Variants in KRT82 observed in about 807,000 individuals in gnomAD.
KRT82 encodes the protein keratin 82.
In KRT82, 44 loss-of-function variants were observed where a neutral mutation model predicts 48.0. The ratio of observed to expected loss-of-function variants is 0.92; its 90% CI spans 0.72 to 1.18. The LOEUF (loss-of-function observed/expected upper bound fraction) is 1.18, where lower values mean the gene tolerates loss of function less well. KRT82 is among the 50% of genes most tolerant of loss of function. The pLI is 0.00. For synonymous variants in KRT82, 297 were observed against 278.3 expected (o/e 1.07, Z -0.67); for missense variants, 701 against 671.4 (o/e 1.04, Z -0.49).
Position 52,395,105 on chromosome 12 carries a change from C to G in KRT82, c.1412G>C (p.Gly471Ala). 1.9e-6 allele frequency: 3 copies of G among 1,614,062 alleles called. No homozygotes were observed. Among genetic ancestry groups the G allele is most frequent in the Non-Finnish European group, 2.5e-6 (3 of 1,179,976 alleles). ...TTCACCAGTGCCCACGATGCTGCAG[C>G]CCCCATTGCTCCTGAGGACGCCAGT... Reference protein sequence around the residue: ...LSTGVLRSNGGCSIVGTGELY... With the variant: ...LSTGVLRSNGACSIVGTGELY... Residue 471 changes from glycine (G) to alanine (A), a missense_variant, in exon 9 of 9, where the codon GGC becomes GCC. Physicochemically the swap from Gly to Ala is moderately conservative, Grantham distance 60. Transcript: ENST00000257974.
intron 2 of KRT82, among the ~76,000 whole-genome samples, chr12:52,402,691 T>G (rs1349784338): frequency 6.6e-6 from 1 of 150,540 alleles, no homozygotes; most frequent in East Asian, 2.0e-4. Flanking sequence ...CACACTGGAC[T>G]GGGAAAGAGT....
At position 52,403,702 on chromosome 12, in the gene KRT82, T is replaced by G. The variant is rs780277267; in HGVS notation, c.619A>C (p.Lys207Gln). Reference protein sequence around the residue: ...LQAALEGYKKKYEEELSLRPC... With the variant: ...LQAALEGYKKQYEEELSLRPC... ...GGGGTAAAAGCAGCACTGACTCACT[T>G]TTTCTTGTAGCCCTCCAGTGCAGCC... Residue 207 changes from lysine (K) to glutamine (Q), a missense_variant and splice_region_variant, in exon 2 of 9, where the codon AAA becomes CAA. Lys to Gln is a moderately conservative substitution (Grantham distance 53, BLOSUM62 1). Coordinates refer to ENST00000257974, the MANE Select transcript of KRT82 (RefSeq NM_033033.4). 6.3e-7 allele frequency: 1 copy of G among 1,597,050 alleles called. No individual in the cohort carries two copies. The highest frequency in any genetic ancestry group is 8.6e-7 in the Non-Finnish European group (1 of 1,165,886).
rs761738389 is a variant in KRT82, at chr12:52,403,901, G to A, written c.420C>T (p.Phe140=). Reference sequence around the variant, plus strand: ...CCAGCAGCTTGTTCTTCTGCTCCAGGAAACGGACCTGCAGCCAAGAATGGA... The same window carrying A: ...CCAGCAGCTTGTTCTTCTGCTCCAGAAAACGGACCTGCAGCCAAGAATGGA... ...RFASFINKVR[F]LEQKNKLLET... is the part of the protein sequence containing the mutation. Residue 140 remains phenylalanine, a synonymous_variant, in exon 2 of 9, where the codon TTC becomes TTT. Transcript: ENST00000257974. 14 of 1,613,510 alleles carry A rather than the reference G, an allele frequency of 8.7e-6. No individual in the cohort carries two copies. The highest frequency in any genetic ancestry group is 9.3e-6 in the Non-Finnish European group (11 of 1,179,872).
chr12:52,404,823 C>A (rs74093685), intron 1 of KRT82, among the ~76,000 whole-genome samples: 6,819 of 152,308 alleles, frequency 0.045, 195 homozygotes, highest in African/African-American at 0.071. Context: ...CTCTGTGAAG[C>A]ACTTTGGCAT....
chr12:52,396,904 T>C lies in KRT82; in HGVS notation c.1047A>G (p.Glu349=), dbSNP rs1326410568. Residue 349 remains glutamate (E), a synonymous_variant, in exon 6 of 9, where the codon GAA becomes GAG. Transcript: ENST00000257974. ...MNKLIQRLQQ[E]TENVKAQRCK... ...TCACCTGGGCTTTGACATTCTCGGTTTCTTGCTGCAGCCGCTGGATCAGTT... is the reference window on the plus strand; with the variant it reads ...TCACCTGGGCTTTGACATTCTCGGTCTCTTGCTGCAGCCGCTGGATCAGTT... 1 of 1,614,134 alleles carries C rather than the reference T, an allele frequency of 6.2e-7. No individual in the cohort carries two copies. The highest frequency in any genetic ancestry group is 1.1e-5 in the South Asian group (1 of 91,070).
At chr12:52,400,695 G>A (rs1343409965) in intron 3 of KRT82, 73 bp from the exon 4 acceptor site, 16 of 1,037,014 alleles carry the variant, frequency 1.5e-5, no homozygotes, top group African/African-American at 4.7e-5. Context: ...GGGGGAAGGC[G>A]TGGGGCTCAC....
At chr12:52,404,868 CCCCTT>C (rs1264827979) in intron 1 of KRT82, among the ~76,000 whole-genome samples, 11 of 152,242 alleles carry the variant, frequency 7.2e-5, no homozygotes, top group Non-Finnish European at 1.2e-4. Flanking sequence ...CGTCATTCCT[CCCCTT>C]CCTCACTGGG....
chr12:52,396,238 G>A lies in KRT82; in HGVS notation c.1069-6C>T. On this transcript the variant is annotated splice_polypyrimidine_tract_variant and splice_region_variant and intron_variant, in intron 6 of 8. Transcript: ENST00000257974. ...GCACCCTCAAGTTTGCAGCGCTGTG[G>A]GAGGGGCGCAGAAAAGCATCACTGG... 6.2e-7 allele frequency: 1 copy of A among 1,609,142 alleles called. No individual in the cohort carries two copies. The highest frequency in any genetic ancestry group is 1.1e-5 in the South Asian group (1 of 90,782).
intron 2 of KRT82, chr12:52,402,100 T>G (rs1190271788): frequency 6.6e-6 from 1 of 152,270 alleles, no homozygotes; most frequent in Non-Finnish European, 1.5e-5. Flanking sequence ...TTGGCCTTTC[T>G]GCCTCATGAT....
intron 8 of KRT82, among the ~76,000 whole-genome samples, chr12:52,395,458 T>A (rs886300907): frequency 6.6e-6 from 1 of 152,178 alleles, no homozygotes; most frequent in African/African-American, 2.4e-5. Context: ...TACTGGTCCC[T>A]CCTTCCTAAG....
intron 8 of KRT82, 124 bp from the exon 9 acceptor site, chr12:52,395,319 C>G: frequency 1.4e-6 from 1 of 728,528 alleles, no homozygotes; most frequent in Admixed American, 2.6e-5. Flanking sequence ...ACACCCCATT[C>G]CAGCCTCCAG....
chr12:52,405,682 T>C (rs1289841811), intron 1 of KRT82, among the ~76,000 whole-genome samples, 185 bp downstream of exon 1: 3 of 152,208 alleles, frequency 2.0e-5, no homozygotes, highest in Non-Finnish European at 1.5e-5. Context: ...GAAGCAGAAA[T>C]GTTTAGTGCA....
chr12:52,397,097 G>C, intron 5 of KRT82, 89 bp from the exon 6 acceptor site: 1 of 1,501,692 alleles, frequency 6.7e-7, no homozygotes, highest in Non-Finnish European at 9.0e-7. Context: ...TTTCTCCCGT[G>C]ACTTCCTAGT....
chr12:52,400,187 T>C (rs747615687), intron 4 of KRT82, 38 bp from the exon 5 acceptor site: 9 of 1,591,744 alleles, frequency 5.7e-6, no homozygotes, highest in Non-Finnish European at 7.7e-6. Context: ...GTGAGCTCTC[T>C]GAGCGTCCGG....
In KRT82 at chr12:52,401,328, C is replaced by T; in HGVS notation, c.642G>A (p.Leu214=). ...YKKKYEEELS[L]RPCVENEFVA... ...CAAACTCATTCTCAACACAGGGACG[C>T]AGGGAGAGCTCCTCTTCGTATCTGA... Residue 214 remains leucine (L), a synonymous_variant, in exon 3 of 9, where the codon CTG becomes CTA. Transcript: ENST00000257974. 6.2e-7 allele frequency: 1 copy of T among 1,614,140 alleles called. No individual in the cohort carries two copies. Among genetic ancestry groups the T allele is most frequent in the Non-Finnish European group, 8.5e-7 (1 of 1,180,012 alleles).
intron 5 of KRT82, among the ~76,000 whole-genome samples, chr12:52,398,164 C>T (rs1939738901): frequency 6.6e-6 from 1 of 152,204 alleles, no homozygotes; most frequent in Non-Finnish European, 1.5e-5. Context: ...GAATATTTCT[C>T]AGTCTTCCAA....
Position 52,395,159 on chromosome 12 carries a change from G to A in KRT82, c.1358C>T (p.Pro453Leu). Reference protein sequence around the residue: ...SSSKGAFLYEPCGVSTPVLST... With the variant: ...SSSKGAFLYELCGVSTPVLST... ...GAGGACAGGCGTGCTGACCCCACAT[G>A]GCTCGTACAGGAAGGCGCCTTTGGA... is the stretch of plus-strand genomic sequence containing the variant. Residue 453 changes from proline (P) to leucine (L), a missense_variant, in exon 9 of 9, where the codon CCA becomes CTA. Pro to Leu is a moderately conservative substitution (Grantham distance 98, BLOSUM62 -3). Transcript: ENST00000257974. 6.2e-7 allele frequency: 1 copy of A among 1,613,992 alleles called. No individual in the cohort carries two copies. The highest frequency in any genetic ancestry group is 2.2e-5 in the East Asian group (1 of 44,862).
chr12:52,396,753 A>G, intron 6 of KRT82, 130 bp downstream of exon 6: 1 of 1,026,242 alleles, frequency 9.7e-7, no homozygotes, highest in Non-Finnish European at 1.4e-6. Flanking sequence ...CTTCTGCTTG[A>G]GCAAGGCAGC....
intron 5 of KRT82, among the ~76,000 whole-genome samples, chr12:52,399,369 C>A (rs1401134071): frequency 6.6e-6 from 1 of 152,244 alleles, no homozygotes; most frequent in East Asian, 1.9e-4. Flanking sequence ...GCTTCTAGAA[C>A]TGTGCTTGGC....
Sources: allele counts gnomAD v4.1 joint callset (sites outside exome capture counted in the v4.1 genomes callset), GRCh38; gene constraint gnomAD v4.1.1; transcripts MANE v1.5; gene names NCBI Gene and HGNC (gene_info 2026-07-23, HGNC 2026-07-21).